CYTH3: variants seen among roughly 807,000 people sequenced by gnomAD.
CYTH3 encodes cytohesin 3.
In CYTH3, 23 loss-of-function variants were observed where a neutral mutation model predicts 55.1. The observed-to-expected ratio is 0.42, with a 90% confidence interval of 0.30 to 0.59. CYTH3 has a LOEUF of 0.59. Ranked by LOEUF, CYTH3 falls within the 20% of genes least tolerant of loss-of-function variation. The pLI, the probability that CYTH3 is intolerant of heterozygous loss-of-function variation, is 0.20. For missense variants in CYTH3, 413 were observed against 524.8 expected (o/e 0.79, Z 2.08); for synonymous variants, 249 against 194.9 (o/e 1.28, Z -2.31).
chr7:6,272,408 T>TCGGGGGGGGGGGGCC, intron 1 of CYTH3, 66 bp downstream of exon 1: 1 of 1,207,034 alleles, frequency 8.3e-7, no homozygotes, highest in Non-Finnish European at 1.1e-6. Context: ...CGCCGCGCCC[T>TCGGGGGGGGGGGGCC]CGACCCCCAG....
chr7:6,229,548 G>A (rs188085076), intron 1 of CYTH3, among the ~76,000 whole-genome samples: 35 of 151,542 alleles, frequency 2.3e-4, no homozygotes, highest in African/African-American at 8.0e-4. Flanking sequence ...AGTGGTTCAC[G>A]CCTGTAATCC....
At chr7:6,267,934 G>C (rs1351907800) in intron 1 of CYTH3, among the ~76,000 whole-genome samples, 2 of 152,112 alleles carry the variant, frequency 1.3e-5, no homozygotes, top group African/African-American at 2.4e-5. Context: ...AGTGAAGACA[G>C]ATTATTCAAA....
chr7:6,236,364 CT>C (rs34013002), intron 1 of CYTH3, among the ~76,000 whole-genome samples: 96,733 of 122,346 alleles, frequency 0.79, 37,970 homozygotes, highest in Middle Eastern at 0.85. Flanking sequence ...CTACGCCTGA[CT>C]TTTTTTTTTT....
At chr7:6,181,919 C>T (rs577008356) in intron 4 of CYTH3, among the ~76,000 whole-genome samples, 1 of 152,220 alleles carries the variant, frequency 6.6e-6, no homozygotes, top group African/African-American at 2.4e-5. Flanking sequence ...TTCTTTTTCA[C>T]AATCCCCCAT....
At position 6,237,706 on chromosome 7, in the gene CYTH3, C is replaced by T. The variant is rs1779560606; in HGVS notation, c.34+34768G>A. On this transcript the variant is annotated intron_variant, in intron 1 of 12. Coordinates refer to ENST00000350796, the MANE Select transcript of CYTH3 (RefSeq NM_004227.4). ...CCTGGGCGACAGAGCAAGACTCTAT[C>T]TAAAAAATAACAACAAAAAAAAACC... Among the ~76,000 whole-genome samples the T allele has an allele frequency of 1.3e-5, 2 of 151,946 alleles. 1 individual carries two copies. The highest frequency in any genetic ancestry group is 1.3e-4 in the Admixed American group (2 of 15,248).
Position 6,163,499 on chromosome 7 carries a change from G to C in CYTH3, c.*1445C>G, listed in dbSNP as rs1390418774. On this transcript the variant is annotated 3_prime_UTR_variant, in exon 13 of 13. Transcript: ENST00000350796. ...AGAGAACAGCGTCTGCCACCGGCCC[G>C]GGTCGGCCCAAGCACACAATGCCCC... 6.6e-6 allele frequency: 1 copy of C among 152,470 alleles called. No individual in the cohort carries two copies. The highest frequency in any genetic ancestry group is 1.5e-5 in the Non-Finnish European group (1 of 68,256). 9.4% of individuals were successfully genotyped at this position (152,470 alleles called of 1,614,324 possible). A position where few individuals can be genotyped will look rare whatever the true frequency, so the allele number is the denominator to read the frequency against.
chr7:6,191,383 G>C (rs75683159), intron 1 of CYTH3, among the ~76,000 whole-genome samples: 2,138 of 152,224 alleles, frequency 0.014, 51 homozygotes, highest in African/African-American at 0.048. Context: ...CTGACACTCA[G>C]CTCAAAAACA....
At chr7:6,221,633 G>A (rs1465733481) in intron 1 of CYTH3, among the ~76,000 whole-genome samples, 1 of 152,146 alleles carries the variant, frequency 6.6e-6, no homozygotes, top group Non-Finnish European at 1.5e-5. Flanking sequence ...TGAGTGAAGG[G>A]CAAGTGGAAC....
chr7:6,187,083 C>G lies in CYTH3; in HGVS notation c.216G>C (p.Met72Ile). ...GATCCATGTTGAATTTCTTTCTTCC[C>G]ATGGCTATCTGTTTGTTCCTCTGAG... is the stretch of plus-strand genomic sequence containing the variant. ...KTTQRNKQIAMGRKKFNMDPK... is the reference protein window; with the variant it reads ...KTTQRNKQIAIGRKKFNMDPK... The change falls in exon 4 of 13, where the codon ATG becomes ATC. Residue 72 changes from methionine to isoleucine, a missense_variant. Coordinates refer to ENST00000350796, the MANE Select transcript of CYTH3 (RefSeq NM_004227.4). The G allele has an allele frequency of 6.2e-7, 1 of 1,614,170 alleles. No individual in the cohort carries two copies. The highest frequency in any genetic ancestry group is 8.5e-7 in the Non-Finnish European group (1 of 1,180,024).
At chr7:6,255,060 A>C (rs925510490) in intron 1 of CYTH3, among the ~76,000 whole-genome samples, 2 of 152,234 alleles carry the variant, frequency 1.3e-5, no homozygotes, top group African/African-American at 2.4e-5. Context: ...ACTGATGACT[A>C]ACAGTTTTGA....
At chr7:6,241,667 G>C (rs955287801) in intron 1 of CYTH3, among the ~76,000 whole-genome samples, 5 of 152,088 alleles carry the variant, frequency 3.3e-5, no homozygotes, top group Non-Finnish European at 7.4e-5. Flanking sequence ...TAAGGTACTG[G>C]ATAAATAAAC....
At position 6,170,544 on chromosome 7, in the gene CYTH3, G is replaced by T; in HGVS notation, c.814C>A (p.Leu272Met). 6.2e-7 allele frequency: 1 copy of T among 1,613,930 alleles called. No homozygotes were observed. Among genetic ancestry groups the T allele is most frequent in the Non-Finnish European group, 8.5e-7 (1 of 1,179,854 alleles). Reference sequence around the variant, plus strand: ...TGGGCCGGCGGCTCACCCAGCTTCAGGAGCCAGCCCTCGCGGTCGGGGTTG... The same window carrying T: ...TGGGCCGGCGGCTCACCCAGCTTCATGAGCCAGCCCTCGCGGTCGGGGTTG... Reference protein sequence around the residue: ...FFNPDREGWLLKLGGRVKTWK... With the variant: ...FFNPDREGWLMKLGGRVKTWK... Residue 272 changes from leucine to methionine, a missense_variant, in exon 9 of 13, where the codon CTG (leucine) becomes ATG (methionine). Transcript: ENST00000350796. The surrounding 1 kb of genome is among the most constrained non-coding windows in gnomAD (Gnocchi z 7.8).
intron 5 of CYTH3, among the ~76,000 whole-genome samples, chr7:6,175,960 G>C (rs1209358182): frequency 1.3e-5 from 2 of 152,278 alleles, no homozygotes; most frequent in East Asian, 1.9e-4. Flanking sequence ...TGCAACTTCT[G>C]CAAAGAAGTC....
intron 1 of CYTH3, among the ~76,000 whole-genome samples, chr7:6,246,749 A>C (rs756888415): frequency 6.8e-6 from 1 of 147,632 alleles, no homozygotes; most frequent in Non-Finnish European, 1.5e-5. Context: ...GTTACTGAAT[A>C]ACTGGGATTT....
chr7:6,178,305 G>A (rs956063120), intron 4 of CYTH3, among the ~76,000 whole-genome samples: 1 of 152,242 alleles, frequency 6.6e-6, no homozygotes, highest in East Asian at 1.9e-4. Context: ...TGTGGGTGGT[G>A]GCCACTGCCG....
chr7:6,185,793 G>A (rs1783628098), intron 4 of CYTH3, among the ~76,000 whole-genome samples: 1 of 152,052 alleles, frequency 6.6e-6, no homozygotes, highest in Non-Finnish European at 1.5e-5. Flanking sequence ...ATGCACTTCT[G>A]TAAATATCAC....
chr7:6,190,397 C>A (rs1389339833), intron 2 of CYTH3, 52 bp downstream of exon 2: 60 of 1,274,426 alleles, frequency 4.7e-5, no homozygotes, highest in East Asian at 1.3e-4. Context: ...CTATTTTACT[C>A]AAAAGCAAAA....
chr7:6,261,938 C>T (rs908025402), intron 1 of CYTH3, among the ~76,000 whole-genome samples: 7 of 151,972 alleles, frequency 4.6e-5, no homozygotes, highest in African/African-American at 1.7e-4. Flanking sequence ...TTATCAGACA[C>T]AGACTTTAAA....
chr7:6,173,148 A>G (rs969250286), intron 6 of CYTH3: 1 of 819,698 alleles, frequency 1.2e-6, no homozygotes, highest in African/African-American at 1.9e-5. Context: ...AGGAAGCGAG[A>G]CAACTTCCTG....
Sources: gnomAD v4.1 joint callset for allele counts (sites outside exome capture counted in the v4.1 genomes callset) on GRCh38, gnomAD v4.1.1 for gene constraint, Gnocchi (gnomAD v3.1) non-coding constraint, MANE v1.5 for transcripts, NCBI Gene and HGNC (gene_info 2026-07-23, HGNC 2026-07-21) for gene names.